The following ARID2 variants were observed in gnomAD, a reference collection of about 807,000 sequenced individuals.
ARID2 encodes AT-rich interaction domain 2, also known as AT-rich interactive domain-containing protein 2.
In ARID2, 32 loss-of-function variants were observed where a neutral mutation model predicts 184.6. That is an observed-to-expected ratio of 0.17 (90% CI 0.13 to 0.23). The LOEUF is 0.23. ARID2 is among the 10% of genes least tolerant of loss of function. ARID2 has a pLI of 1.00. For synonymous variants in ARID2, 836 were observed against 772.6 expected, an observed-to-expected ratio of 1.08 and a Z score of -1.36; for missense variants, 1,696 against 2,197.6, an observed-to-expected ratio of 0.77 and a Z score of 4.56.
chr12:45,767,382 G>T (rs924719992), intron 3 of ARID2, among the ~76,000 whole-genome samples: 3 of 150,628 alleles, frequency 2.0e-5, no homozygotes, highest in African/African-American at 7.3e-5. Flanking sequence ...TTATAAAGTT[G>T]TTTTTTTTCA....
At chr12:45,885,226 C>T (rs1428302493) in intron 16 of ARID2, among the ~76,000 whole-genome samples, 1 of 151,866 alleles carries the variant, frequency 6.6e-6, no homozygotes, top group Non-Finnish European at 1.5e-5. Flanking sequence ...TTTCTTTTGT[C>T]ATAGAATATA....
chr12:45,792,207 T>C (rs1942305948), intron 3 of ARID2, among the ~76,000 whole-genome samples: 1 of 152,196 alleles, frequency 6.6e-6, no homozygotes, highest in African/African-American at 2.4e-5. Flanking sequence ...TAAGTACTGC[T>C]TTTAGCTTGT....
At chr12:45,871,222 T>A (rs1472631080) in intron 16 of ARID2, among the ~76,000 whole-genome samples, 1 of 152,200 alleles carries the variant, frequency 6.6e-6, no homozygotes, top group Non-Finnish European at 1.5e-5. Flanking sequence ...TGAGCATCTT[T>A]TTGTTTGTTT....
chr12:45,835,418 CA>C (rs1943200525), intron 6 of ARID2, among the ~76,000 whole-genome samples: 1 of 151,702 alleles, frequency 6.6e-6, no homozygotes, highest in Non-Finnish European at 1.5e-5. Context: ...ATTTTTTGTG[CA>C]ATGGATTTCT....
chr12:45,884,411 C>A (rs1483820197), intron 16 of ARID2, among the ~76,000 whole-genome samples: 1 of 152,110 alleles, frequency 6.6e-6, no homozygotes, highest in Non-Finnish European at 1.5e-5. Context: ...AACAAACAAA[C>A]AAACAAAACA....
At chr12:45,798,688 A>G (rs1460944213) in intron 3 of ARID2, among the ~76,000 whole-genome samples, 1 of 152,160 alleles carries the variant, frequency 6.6e-6, no homozygotes, top group African/African-American at 2.4e-5. Context: ...TGGTTGCTTA[A>G]TATCTATATG....
chr12:45,747,877 T>C (rs1228791638), intron 3 of ARID2, among the ~76,000 whole-genome samples: 2 of 152,028 alleles, frequency 1.3e-5, no homozygotes, highest in East Asian at 3.8e-4. Context: ...GACTAGAGAG[T>C]CTTGTGTAGG....
intron 11 of ARID2, among the ~76,000 whole-genome samples, chr12:45,844,840 A>T (rs1195681014): frequency 3.9e-5 from 6 of 152,184 alleles, no homozygotes; most frequent in Non-Finnish European, 8.8e-5. Flanking sequence ...TTATGCATTT[A>T]ACCATAATGC....
chr12:45,853,847 C>G (rs1311776088), intron 15 of ARID2, among the ~76,000 whole-genome samples: 2 of 152,124 alleles, frequency 1.3e-5, no homozygotes, highest in African/African-American at 4.8e-5. Context: ...GGGCAATAGC[C>G]AAATGGAAAG....
At chr12:45,876,627 A>T (rs549302254) in intron 16 of ARID2, among the ~76,000 whole-genome samples, 1 of 152,162 alleles carries the variant, frequency 6.6e-6, no homozygotes, top group African/African-American at 2.4e-5. Flanking sequence ...AGGTGACATC[A>T]AGATCACTGA....
chr12:45,769,176 C>T (rs1429660514), intron 3 of ARID2, among the ~76,000 whole-genome samples: 1 of 152,070 alleles, frequency 6.6e-6, no homozygotes, highest in African/African-American at 2.4e-5. Flanking sequence ...ATGAGCTATA[C>T]ACCAGAAAAA....
At chr12:45,863,974 G>T (rs2138196137) in intron 16 of ARID2, among the ~76,000 whole-genome samples, 1 of 151,028 alleles carries the variant, frequency 6.6e-6, no homozygotes, top group South Asian at 2.1e-4. Flanking sequence ...TCCCACCTCA[G>T]CCTCCAAAGT....
Position 45,905,190 on chromosome 12 carries a change from T to C in ARID2, c.*112T>C. ...ACAAAGACCATAGAATGAATTATTT[T>C]ATCTCCTCCCATGATGCTGAGAGGA... On this transcript the variant is annotated 3_prime_UTR_variant, in exon 21 of 21. Coordinates refer to ENST00000334344, the MANE Select transcript of ARID2 (RefSeq NM_152641.4). The C allele has an allele frequency of 1.8e-6, 2 of 1,096,238 alleles. No individual in the cohort carries two copies. The highest frequency in any genetic ancestry group is 2.5e-6 in the Non-Finnish European group (2 of 798,514). The allele number at this position is 1,096,238 out of a possible 1,614,324, so 67.9% of individuals were successfully genotyped here.
intron 6 of ARID2, 39 bp from the exon 7 acceptor site, chr12:45,836,550 G>A (rs764704168): frequency 1.2e-5 from 19 of 1,564,160 alleles, no homozygotes; most frequent in Non-Finnish European, 1.5e-5. Flanking sequence ...TAGAATAGTT[G>A]TTTCAAATCA....
rs1943240471 is a variant in ARID2, at chr12:45,837,365, T to C, written c.1068T>C (p.Phe356=). The C allele has an allele frequency of 6.2e-7, 1 of 1,612,392 alleles. No homozygotes were observed. Among genetic ancestry groups the C allele is most frequent in the African/African-American group, 1.3e-5 (1 of 74,964 alleles). Residue 356 remains phenylalanine, a synonymous_variant, in exon 9 of 21, where the codon TTT becomes TTC. Transcript: ENST00000334344. ...ATTTCAAAACTACTCATCTGATGTT[T>C]CATACTGTTACAAAATGTCTAATGT... ...PVDFKTTHLM[F]HTVTKCLMSR...
rs34276978 is a variant in ARID2, at chr12:45,845,635, G to A, written c.1499-1221G>A. 2.0e-3 allele frequency among the ~76,000 whole-genome samples: 306 copies of A among 152,134 alleles called. 1 individual carries two copies. Among genetic ancestry groups the A allele is most frequent in the South Asian group, 0.015 (74 of 4,808 alleles). On this transcript the variant is annotated intron_variant, in intron 11 of 20. Coordinates refer to ENST00000334344, the MANE Select transcript of ARID2 (RefSeq NM_152641.4). ...ATACAGAGTATATGTTTATTAAATG[G>A]CTACAATTAGCTGTTACCTCAAAGA...
intron 3 of ARID2, among the ~76,000 whole-genome samples, chr12:45,744,088 A>G (rs544086224): frequency 2.0e-5 from 3 of 152,192 alleles, no homozygotes; most frequent in East Asian, 1.9e-4. Context: ...TTATGCATCA[A>G]ATTACTTTCT....
chr12:45,851,355 A>G lies in ARID2; in HGVS notation c.3232A>G (p.Ile1078Val), dbSNP rs1422331150. Reference protein sequence around the residue: ...RGPSTPGGKLILPAPQIPPPN... With the variant: ...RGPSTPGGKLVLPAPQIPPPN... ...TCCTTCAACACCAGGTGGTAAGCTT[A>G]TTCTCCCAGCTCCACAGATTCCTCC... Residue 1078 changes from isoleucine (I) to valine (V), a missense_variant, in exon 15 of 21, where the codon ATT (isoleucine) becomes GTT (valine). Physicochemically the swap from Ile to Val is conservative, Grantham distance 29 (BLOSUM62 3). Around this residue, in one of 11 missense-constraint regions of ARID2, gnomAD observed 713 missense variants for 824.4 expected, o/e 0.86. Transcript: ENST00000334344. 1.9e-6 allele frequency: 3 copies of G among 1,614,108 alleles called. No individual in the cohort carries two copies. The highest frequency in any genetic ancestry group is 2.5e-6 in the Non-Finnish European group (3 of 1,179,990).
intron 3 of ARID2, among the ~76,000 whole-genome samples, chr12:45,782,419 G>T (rs1010150502): frequency 2.6e-5 from 4 of 152,038 alleles, no homozygotes; most frequent in Non-Finnish European, 5.9e-5. Context: ...ATCACCTGAG[G>T]TGAGGAGTTA....
Sources: allele counts gnomAD v4.1 joint callset (sites outside exome capture counted in the v4.1 genomes callset), GRCh38; gene constraint gnomAD v4.1.1; regional missense constraint gnomAD v4.1.1; transcripts MANE v1.5; gene names NCBI Gene and HGNC (gene_info 2026-07-23, HGNC 2026-07-21).